The following KALRN variants were observed in gnomAD, a reference collection of about 807,000 sequenced individuals.
KALRN encodes the protein kalirin.
Under a neutral mutation model 353.7 loss-of-function variants are expected in KALRN, and 70 were observed. That is an observed-to-expected ratio of 0.20 (90% confidence interval 0.16 to 0.24). KALRN has a LOEUF of 0.24. Among genes scored for constraint, KALRN ranks in the 10% least tolerant of loss-of-function variants. KALRN has a pLI of 1.00. For missense variants in KALRN, 2,791 were observed against 3,756.7 expected (o/e 0.74, Z 6.72); for synonymous variants, 1,391 against 1,434.8 (o/e 0.97, Z 0.69).
intron 34 of KALRN, among the ~76,000 whole-genome samples, chr3:124,586,929 C>T (rs1360535525): frequency 1.3e-5 from 2 of 152,198 alleles, no homozygotes; most frequent in African/African-American, 2.4e-5. Flanking sequence ...CTGAGGCTCC[C>T]TCAGGCTCAC....
At chr3:124,691,906 C>G (rs1174634807) in intron 51 of KALRN, among the ~76,000 whole-genome samples, 1 of 152,196 alleles carries the variant, frequency 6.6e-6, no homozygotes, top group Non-Finnish European at 1.5e-5. Flanking sequence ...ACACAGAGAA[C>G]TCTTTTAGGT....
chr3:124,705,771 T>C (rs2062571549), intron 57 of KALRN, among the ~76,000 whole-genome samples: 1 of 152,028 alleles, frequency 6.6e-6, no homozygotes, highest in African/African-American at 2.4e-5. Flanking sequence ...TGTGTGATTG[T>C]CTTTCTTCAT....
chr3:124,603,153 A>T (rs893316986), intron 34 of KALRN, among the ~76,000 whole-genome samples: 1 of 152,184 alleles, frequency 6.6e-6, no homozygotes, highest in Admixed American at 6.5e-5. Context: ...ATACACACAC[A>T]GACTTTTATA....
At chr3:124,241,646 T>C (rs1363601195) in intron 3 of KALRN, among the ~76,000 whole-genome samples, 6 of 152,214 alleles carry the variant, frequency 3.9e-5, no homozygotes, top group Non-Finnish European at 7.3e-5. Context: ...CACAGTAGAT[T>C]CCATAAACAT....
intron 34 of KALRN, among the ~76,000 whole-genome samples, chr3:124,594,501 G>C (rs1342738430): frequency 6.6e-6 from 1 of 152,226 alleles, no homozygotes; most frequent in Non-Finnish European, 1.5e-5. Context: ...TGGGATTACA[G>C]GTGTGAGCCA....
chr3:124,050,578 C>T (rs978251877), intron 1 of KALRN, among the ~76,000 whole-genome samples: 2 of 152,186 alleles, frequency 1.3e-5, no homozygotes, highest in Non-Finnish European at 2.9e-5. Flanking sequence ...GTTCCCTGAA[C>T]TCTGGTTGAG....
In KALRN at chr3:124,048,448, A is replaced by G. The variant is rs771736301; in HGVS notation, c.73+14635A>G. Among the ~76,000 whole-genome samples the G allele has an allele frequency of 3.3e-4, 50 of 151,454 alleles. 1 individual carries two copies. Among genetic ancestry groups the G allele is most frequent in the Admixed American group, 2.7e-3 (41 of 15,214 alleles). On this transcript the variant is annotated intron_variant, in intron 1 of 59. Transcript: ENST00000682506. Reference sequence around the variant, plus strand: ...AACTTGTTTTTATCATTTTATAATCATGGACATTTTTCTATGTCAGTACCT... The same window carrying G: ...AACTTGTTTTTATCATTTTATAATCGTGGACATTTTTCTATGTCAGTACCT...
intron 1 of KALRN, among the ~76,000 whole-genome samples, chr3:124,178,849 T>C (rs1323119813): frequency 6.6e-6 from 1 of 152,180 alleles, no homozygotes; most frequent in Non-Finnish European, 1.5e-5. Context: ...CTCATGTCTA[T>C]AGTTCTAGAG....
intron 27 of KALRN, among the ~76,000 whole-genome samples, chr3:124,477,538 G>T (rs1336271732): frequency 2.0e-5 from 3 of 152,122 alleles, no homozygotes; most frequent in African/African-American, 7.2e-5. Context: ...AAGTGATTTT[G>T]TACGAGGCAA....
Position 124,671,794 on chromosome 3 carries a change from G to A in KALRN, c.6838G>A (p.Gly2280Ser), listed in dbSNP as rs770335571. 9 of 1,613,996 alleles carry A rather than the reference G, an allele frequency of 5.6e-6. No homozygotes were observed. In the South Asian group the frequency reaches 9.9e-5, roughly 18 times the overall value. Residue 2280 changes from glycine to serine, a missense_variant, in exon 48 of 60, where the codon GGC becomes AGC. Gly to Ser is a moderately conservative substitution (Grantham distance 56). Transcript: ENST00000682506. The part of the protein sequence containing the change: ...VPAGSEKPPK[G>S]SSYNPPLPPL... ...TGCGGGCTCAGAGAAGCCCCCAAAG[G>A]GCTCCAGCTATAACCCACCTCTGCC...
intron 4 of KALRN, among the ~76,000 whole-genome samples, chr3:124,265,005 T>C (rs2073335669): frequency 6.6e-6 from 1 of 152,252 alleles, no homozygotes; most frequent in Non-Finnish European, 1.5e-5. Flanking sequence ...TATCCATTGA[T>C]GTAGCAATTC....
At chr3:124,657,061 G>A (rs333303) in intron 39 of KALRN, among the ~76,000 whole-genome samples, 1,966 of 152,264 alleles carry the variant, frequency 0.013, 44 homozygotes, top group African/African-American at 0.045. Context: ...AAACAGAAAT[G>A]AAATTCTCTA....
intron 1 of KALRN, among the ~76,000 whole-genome samples, chr3:124,101,395 G>A (rs547858810): frequency 3.3e-5 from 5 of 152,264 alleles, no homozygotes; most frequent in South Asian, 2.1e-4. Flanking sequence ...AAGAAAAATC[G>A]TTTTCTGCCT....
intron 51 of KALRN, among the ~76,000 whole-genome samples, chr3:124,685,995 C>T (rs1306796277): frequency 6.6e-6 from 1 of 151,906 alleles, no homozygotes; most frequent in Non-Finnish European, 1.5e-5. Context: ...AGTTCAATTT[C>T]ACACAATTTG....
intron 1 of KALRN, among the ~76,000 whole-genome samples, chr3:124,084,428 C>G (rs1577899825): frequency 6.6e-6 from 1 of 152,312 alleles, no homozygotes; most frequent in East Asian, 1.9e-4. Context: ...ACAGTCAGAT[C>G]CAGCACGGAG....
rs1167412781 is a variant in KALRN at position 124,319,828 on chromosome 3, A to C, written c.1093-6152A>C. Among the ~76,000 whole-genome samples the C allele has an allele frequency of 3.3e-5, 5 of 152,056 alleles. No homozygotes were observed. In the East Asian group the frequency reaches 9.7e-4, roughly 30 times the overall value. The stretch of plus-strand genomic sequence containing the variant: ...GCCAACATGGCAAAACCCCGTCTCT[A>C]CTAAAAATACAAAAAATTAGCCAGG... On this transcript the variant is annotated intron_variant, in intron 6 of 59. Coordinates refer to ENST00000682506, the MANE Select transcript of KALRN (RefSeq NM_001388419.1).
chr3:124,278,346 G>A (rs2074987417), intron 5 of KALRN, among the ~76,000 whole-genome samples: 1 of 152,042 alleles, frequency 6.6e-6, no homozygotes. Context: ...GTATGTATGG[G>A]AGAAAAAGCA....
intron 51 of KALRN, among the ~76,000 whole-genome samples, chr3:124,683,239 T>G (rs2061418074): frequency 6.6e-6 from 1 of 152,194 alleles, no homozygotes; most frequent in African/African-American, 2.4e-5. Context: ...TTTGCAGGGC[T>G]GAGAACCACA....
intron 34 of KALRN, among the ~76,000 whole-genome samples, chr3:124,616,386 A>C (rs540489094): frequency 2.2e-4 from 34 of 152,324 alleles, no homozygotes; most frequent in Admixed American, 1.7e-3. Context: ...TAAGCCTAAA[A>C]TAACTCGGCT....
Sources: gnomAD v4.1 joint callset for allele counts (sites outside exome capture counted in the v4.1 genomes callset) on GRCh38, gnomAD v4.1.1 for gene constraint, MANE v1.5 for transcripts, NCBI Gene and HGNC (gene_info 2026-07-23, HGNC 2026-07-21) for gene names.